The following HSD17B3 variants were observed in gnomAD, a reference collection of about 807,000 sequenced individuals.
The protein encoded by HSD17B3 is hydroxysteroid 17-beta dehydrogenase 3.
HSD17B3 carries 29 observed loss-of-function variants against 41.1 expected under a neutral mutation model. The ratio of observed to expected loss-of-function variants is 0.71; its 90% CI spans 0.53 to 0.96. The LOEUF (loss-of-function observed/expected upper bound fraction) is 0.96. Ranked by LOEUF, HSD17B3 falls within the 40% of genes least tolerant of loss-of-function variation. The probability of loss-of-function intolerance (pLI) is 0.00; values close to 1 mark genes in which losing one functional copy is unlikely to be tolerated. For missense variants in HSD17B3, 323 were observed against 374.6 expected, an observed-to-expected ratio of 0.86 and a Z score of 1.14; for synonymous variants, 126 against 145.6, an observed-to-expected ratio of 0.87 and a Z score of 0.97.
At chr9:96,263,981 A>G (rs1825955650) in intron 2 of HSD17B3, among the ~76,000 whole-genome samples, 1 of 152,106 alleles carries the variant, frequency 6.6e-6, no homozygotes, top group Non-Finnish European at 1.5e-5. Context: ...ATTGATGAGA[A>G]CAGGTTTTAA....
At chr9:96,272,373 A>ATCTCCCTCTCTCTCTC (rs1826276208) in intron 2 of HSD17B3, among the ~76,000 whole-genome samples, 1 of 4,414 alleles carries the variant, frequency 2.3e-4, no homozygotes, top group African/African-American at 6.4e-4. Context: ...GTAAGACTGC[A>ATCTCCCTCTCTCTCTC]TCTCTCTCTC....
chr9:96,294,250 C>CAAA (rs35463519), intron 2 of HSD17B3, among the ~76,000 whole-genome samples: 3 of 140,758 alleles, frequency 2.1e-5, no homozygotes, highest in Non-Finnish European at 4.7e-5. Context: ...CTCATCTCTA[C>CAAA]AAAAAAAAAA....
intron 2 of HSD17B3, among the ~76,000 whole-genome samples, chr9:96,289,545 TC>T (rs1283371411): frequency 6.6e-6 from 1 of 152,106 alleles, no homozygotes; most frequent in Admixed American, 6.6e-5. Context: ...CACCTTTGTC[TC>T]CCAATTCACT....
intron 2 of HSD17B3, among the ~76,000 whole-genome samples, chr9:96,257,398 C>T (rs1263857697): frequency 1.3e-4 from 20 of 152,076 alleles, no homozygotes; most frequent in Admixed American, 1.3e-3. Flanking sequence ...TTTCCCCGCC[C>T]ACCCCTAGGC....
At chr9:96,236,016 C>CCATAAGAGTGTGTCA (rs1836225765) in intron 10 of HSD17B3, among the ~76,000 whole-genome samples, 1 of 151,138 alleles carries the variant, frequency 6.6e-6, no homozygotes, top group Non-Finnish European at 1.5e-5. Flanking sequence ...CACTATGTTG[C>CCATAAGAGTGTGTCA]CCAGGCTGTT....
intron 9 of HSD17B3, among the ~76,000 whole-genome samples, chr9:96,242,003 A>G (rs867614909): frequency 4.4e-5 from 6 of 135,478 alleles, no homozygotes; most frequent in African/African-American, 1.7e-4. Flanking sequence ...GAAAGAAAGA[A>G]AGAGAAAGAA....
At chr9:96,274,409 C>T (rs929087614) in intron 2 of HSD17B3, among the ~76,000 whole-genome samples, 1 of 152,056 alleles carries the variant, frequency 6.6e-6, no homozygotes, top group Admixed American at 6.6e-5. Flanking sequence ...TGCAGTGAGC[C>T]GAGATTGCAC....
intron 2 of HSD17B3, among the ~76,000 whole-genome samples, chr9:96,279,380 G>A (rs1423067497): frequency 6.6e-6 from 1 of 152,144 alleles, no homozygotes; most frequent in African/African-American, 2.4e-5. Context: ...CAGGTCATAG[G>A]TGGATTCAAA....
chr9:96,253,901 A>C (rs1375381742), intron 3 of HSD17B3, among the ~76,000 whole-genome samples: 5 of 152,134 alleles, frequency 3.3e-5, no homozygotes. Context: ...TCATGGGTTC[A>C]AGGGCACTGT....
chr9:96,275,819 C>A (rs777387022), intron 2 of HSD17B3, among the ~76,000 whole-genome samples: 14 of 151,510 alleles, frequency 9.2e-5, no homozygotes, highest in Non-Finnish European at 1.8e-4. Flanking sequence ...AGGAAAACAG[C>A]AAAAGAGGAA....
chr9:96,276,277 T>C lies in HSD17B3; in HGVS notation c.202-21334A>G, dbSNP rs139236453. ...AGACACAAAAATGGAAAGATGTCTG[T>C]GTTCATGGATTAGAAGATAGAAGAA... On this transcript the variant is annotated intron_variant, in intron 2 of 10. Coordinates refer to ENST00000375263, the MANE Select transcript of HSD17B3 (RefSeq NM_000197.2). 2.1e-4 allele frequency among the ~76,000 whole-genome samples: 32 copies of C among 152,238 alleles called. No homozygotes were observed. In the East Asian group the frequency reaches 5.8e-3, roughly 28 times the overall value.
At chr9:96,241,087 T>C (rs951027341) in intron 9 of HSD17B3, among the ~76,000 whole-genome samples, 180 bp from the exon 10 acceptor site, 1 of 152,146 alleles carries the variant, frequency 6.6e-6, no homozygotes, top group Non-Finnish European at 1.5e-5. Context: ...AGAAATTTGG[T>C]TTCTCAAGAT....
intron 3 of HSD17B3, 120 bp from the exon 4 acceptor site, chr9:96,253,030 C>A: frequency 1.3e-6 from 1 of 746,702 alleles, no homozygotes; most frequent in South Asian, 1.4e-5. Flanking sequence ...GCCCATTGCC[C>A]CAAATAAAAA....
chr9:96,242,088 G>A (rs1176630445), intron 9 of HSD17B3, among the ~76,000 whole-genome samples: 3 of 151,004 alleles, frequency 2.0e-5, no homozygotes, highest in Non-Finnish European at 4.4e-5. Context: ...CATCACATTT[G>A]GAATTACATT....
At chr9:96,245,688 C>T (rs1027261576) in intron 7 of HSD17B3, among the ~76,000 whole-genome samples, 1 of 152,162 alleles carries the variant, frequency 6.6e-6, no homozygotes, top group Non-Finnish European at 1.5e-5. Context: ...GAGGGGCTTG[C>T]TCTTGGAAAC....
At chr9:96,241,975 A>AAGAAAGAAAGAT in intron 9 of HSD17B3, among the ~76,000 whole-genome samples, 1 of 145,946 alleles carries the variant, frequency 6.9e-6, no homozygotes, top group African/African-American at 2.7e-5. Context: ...GAAAGAAAGA[A>AAGAAAGAAAGAT]AGAAAGAAAG....
intron 2 of HSD17B3, among the ~76,000 whole-genome samples, chr9:96,282,861 G>T (rs1826750105): frequency 6.6e-6 from 1 of 152,132 alleles, no homozygotes; most frequent in African/African-American, 2.4e-5. Flanking sequence ...GGAAATTTTG[G>T]AAGGTTTGTG....
intron 2 of HSD17B3, among the ~76,000 whole-genome samples, chr9:96,260,955 G>A (rs10125001): frequency 0.54 from 82,567 of 151,830 alleles, 23,154 homozygotes; most frequent in East Asian, 0.9. Flanking sequence ...GTCCCTTCCC[G>A]TCTTGTTTCA....
At chr9:96,246,627 C>T in intron 6 of HSD17B3, 37 bp from the exon 7 acceptor site, 1 of 1,605,890 alleles carries the variant, frequency 6.2e-7, no homozygotes, top group South Asian at 1.1e-5. Flanking sequence ...CGACAAGGAA[C>T]TAAGTAGCAG....
Sources: allele counts gnomAD v4.1 joint callset (sites outside exome capture counted in the v4.1 genomes callset), GRCh38; gene constraint gnomAD v4.1.1; transcripts MANE v1.5; gene names NCBI Gene and HGNC (gene_info 2026-07-23, HGNC 2026-07-21).